Variants in RARB observed in about 807,000 individuals in gnomAD.
RARB encodes retinoic acid receptor beta.
A neutral mutation model predicts 51.9 loss-of-function variants in RARB; 17 were observed. That is an observed-to-expected ratio of 0.33 (90% CI 0.22 to 0.49). The LOEUF is 0.49. Among genes scored for constraint, RARB ranks in the 20% least tolerant of loss-of-function variants. The probability of loss-of-function intolerance (pLI) is 0.99; values close to 1 mark genes in which losing one functional copy is unlikely to be tolerated. For missense variants in RARB, 369 were observed against 550.8 expected (o/e 0.67, Z 3.30); for synonymous variants, 215 against 195.4 (o/e 1.10, Z -0.84).
At chr3:24,956,444 T>C (rs1696016411) in intron 2 of RARB, among the ~76,000 whole-genome samples, 1 of 152,190 alleles carries the variant, frequency 6.6e-6, no homozygotes, top group African/African-American at 2.4e-5. Context: ...ACAATACTCA[T>C]GTATCAATGG....
At chr3:24,923,109 C>G (rs914960543) in intron 2 of RARB, among the ~76,000 whole-genome samples, 2 of 152,108 alleles carry the variant, frequency 1.3e-5, no homozygotes, top group Admixed American at 6.6e-5. Context: ...GGTCAAGAGA[C>G]CGGGTATTTG....
chr3:25,504,693 T>C (rs532413290), intron 3 of RARB, among the ~76,000 whole-genome samples: 2 of 151,768 alleles, frequency 1.3e-5, no homozygotes, highest in Admixed American at 1.3e-4. Flanking sequence ...AGGATAAAAC[T>C]GAGAAAATTT....
chr3:25,419,533 AAAGGTTCTCTG>A (rs146684910), intron 5 of RARB, among the ~76,000 whole-genome samples: 150 of 152,282 alleles, frequency 9.9e-4, no homozygotes, highest in African/African-American at 3.5e-3. Flanking sequence ...CAAGTTCTCT[AAAGGTTCTCTG>A]GTGCCTTTGT....
intron 2 of RARB, among the ~76,000 whole-genome samples, chr3:25,054,704 A>G (rs981916780): frequency 7.7e-6 from 1 of 129,492 alleles, no homozygotes; most frequent in Non-Finnish European, 1.8e-5. Flanking sequence ...TGGAAAATGG[A>G]GCACAAACTG....
At chr3:25,482,084 A>G (rs1221048399) in intron 2 of RARB, among the ~76,000 whole-genome samples, 4 of 151,642 alleles carry the variant, frequency 2.6e-5, no homozygotes, top group Admixed American at 2.0e-4. Context: ...TACCTCTGCA[A>G]TAAGAAGCCT....
At chr3:25,156,516 CAAAAAAAAAAA>C (rs35710364) in intron 4 of RARB, among the ~76,000 whole-genome samples, 45 of 56,838 alleles carry the variant, frequency 7.9e-4, no homozygotes, top group African/African-American at 3.0e-3. Context: ...GCCCCAACTG[CAAAAAAAAAAA>C]AAAAAAAAAA....
At chr3:25,423,133 CAT>C (rs1240748951) in intron 5 of RARB, among the ~76,000 whole-genome samples, 1 of 152,190 alleles carries the variant, frequency 6.6e-6, no homozygotes, top group African/African-American at 2.4e-5. Context: ...AAAAAGGTAA[CAT>C]ATATTCACAT....
chr3:25,327,373 CA>C (rs1036703948), intron 5 of RARB, among the ~76,000 whole-genome samples: 17 of 151,154 alleles, frequency 1.1e-4, no homozygotes, highest in Non-Finnish European at 2.5e-4. Flanking sequence ...ATAATAGATC[CA>C]AAAAAGGAGG....
intron 3 of RARB, among the ~76,000 whole-genome samples, chr3:25,071,674 A>G (rs1698769760): frequency 6.6e-6 from 1 of 152,238 alleles, no homozygotes; most frequent in South Asian, 2.1e-4. Context: ...AATGCTGATC[A>G]ATGGCATGAT....
At chr3:25,051,053 G>A (rs1698323143) in intron 2 of RARB, among the ~76,000 whole-genome samples, 1 of 152,112 alleles carries the variant, frequency 6.6e-6, no homozygotes. Flanking sequence ...TCTGGGAGGA[G>A]GTAGAGAGAA....
At chr3:25,414,681 A>G (rs1281102199) in intron 5 of RARB, among the ~76,000 whole-genome samples, 1 of 152,176 alleles carries the variant, frequency 6.6e-6, no homozygotes, top group Non-Finnish European at 1.5e-5. Context: ...AATGATGTTC[A>G]GCATTGTTTC....
intron 5 of RARB, among the ~76,000 whole-genome samples, chr3:25,402,690 A>C (rs1241449883): frequency 1.3e-5 from 2 of 152,220 alleles, no homozygotes; most frequent in Admixed American, 1.3e-4. Flanking sequence ...TGTTAAGTGA[A>C]ATAAGCCAGG....
At chr3:25,583,048 A>G (rs1288200806) in intron 5 of RARB, among the ~76,000 whole-genome samples, 3 of 152,152 alleles carry the variant, frequency 2.0e-5, no homozygotes, top group Admixed American at 2.0e-4. Context: ...TTCCTGGGCC[A>G]TGGGGGTGAG....
chr3:25,260,046 G>A, intron 5 of RARB: 1 of 959,178 alleles, frequency 1.0e-6, no homozygotes, highest in South Asian at 4.8e-5. Context: ...CCCATGGTGT[G>A]AGTTCGTGTG....
At chr3:25,191,147 C>T (rs1156450200) in intron 5 of RARB, among the ~76,000 whole-genome samples, 1 of 152,010 alleles carries the variant, frequency 6.6e-6, no homozygotes, top group Non-Finnish European at 1.5e-5. Context: ...GCATTTTAGT[C>T]CATGAAAAAA....
At chr3:24,922,102 T>G (rs1695227860) in intron 2 of RARB, among the ~76,000 whole-genome samples, 1 of 152,218 alleles carries the variant, frequency 6.6e-6, no homozygotes, top group Non-Finnish European at 1.5e-5. Context: ...CAGATACCAC[T>G]GTCTTATATA....
rs113650980 is a variant in RARB at position 25,219,158 on chromosome 3, C to A, written c.178+44583C>A. Among the ~76,000 whole-genome samples, 815 of 152,100 alleles carry A rather than the reference C, an allele frequency of 5.4e-3. 13 individuals are homozygous for A. Among genetic ancestry groups the A allele is most frequent in the African/African-American group, 0.017 (717 of 41,472 alleles). ...CTGCTTATAGTCAAGTGGAAGAAAA[C>A]ATTTTATATATAAAATTTAATAGAT... On this transcript the variant is annotated intron_variant, in intron 5 of 11. Coordinates refer to the RARB transcript ENST00000383772.
intron 5 of RARB, among the ~76,000 whole-genome samples, chr3:25,376,465 C>A (rs17016320): frequency 7.9e-5 from 12 of 152,142 alleles, no homozygotes; most frequent in African/African-American, 2.9e-4. Flanking sequence ...CTTGTCTTGA[C>A]GTTACCTCAT....
chr3:24,935,148 C>G, intron 2 of RARB, among the ~76,000 whole-genome samples: 1 of 152,076 alleles, frequency 6.6e-6, no homozygotes, highest in East Asian at 1.9e-4. Context: ...CTGTAGCTGG[C>G]TGATTTAATC....
Sources: allele counts gnomAD v4.1 joint callset (sites outside exome capture counted in the v4.1 genomes callset), GRCh38; gene constraint gnomAD v4.1.1; transcripts MANE v1.5; gene names NCBI Gene and HGNC (gene_info 2026-07-23, HGNC 2026-07-21).